Variants in RBFOX2 observed in about 807,000 individuals in gnomAD.
The protein encoded by RBFOX2 is RNA binding fox-1 homolog 2.
Under a neutral mutation model 49.1 loss-of-function variants are expected in RBFOX2, and 10 were observed. The observed-to-expected ratio is 0.20, with a 90% confidence interval of 0.13 to 0.35. The LOEUF (loss-of-function observed/expected upper bound fraction) is 0.35. RBFOX2 is among the 10% of genes least tolerant of loss of function. RBFOX2 has a pLI of 1.00. For synonymous variants in RBFOX2, 183 were observed against 187.4 expected (o/e 0.98, Z 0.19); for missense variants, 323 against 486.9 (o/e 0.66, Z 3.17).
intron 1 of RBFOX2, among the ~76,000 whole-genome samples, chr22:35,831,016 C>T (rs1210751275): frequency 6.6e-6 from 1 of 152,152 alleles, no homozygotes. Flanking sequence ...GAAAACCTTA[C>T]GTATGCTATA....
At chr22:35,743,565 AGAT>A (rs1410080916) in exon 12 of RBFOX2, 1 of 152,346 alleles carries the variant, frequency 6.6e-6, no homozygotes, top group East Asian at 1.9e-4. Context: ...TGTGCGTGTA[AGAT>A]GATTGTAAAA....
intron 1 of RBFOX2, among the ~76,000 whole-genome samples, chr22:35,961,361 T>A (rs1170084805): frequency 6.6e-6 from 1 of 152,210 alleles, no homozygotes; most frequent in Non-Finnish European, 1.5e-5. Flanking sequence ...TAAATAAATG[T>A]CTTCTTTCAA....
intron 1 of RBFOX2, among the ~76,000 whole-genome samples, chr22:35,818,356 T>C (rs1953647965): frequency 6.6e-6 from 1 of 152,250 alleles, no homozygotes. Flanking sequence ...AAATATTCTA[T>C]TCCAATGGAT....
chr22:35,884,442 TG>T (rs1311775192), intron 1 of RBFOX2, among the ~76,000 whole-genome samples: 18 of 152,124 alleles, frequency 1.2e-4, no homozygotes, highest in Admixed American at 1.1e-3. Context: ...GCAGTCAAGG[TG>T]TTGGCTGGGG....
chr22:35,792,190 A>T (rs1947823212), intron 2 of RBFOX2, among the ~76,000 whole-genome samples: 1 of 151,558 alleles, frequency 6.6e-6, no homozygotes, highest in Admixed American at 6.6e-5. Context: ...GGCAGTGGGC[A>T]CCTGTAATCC....
At chr22:35,922,762 CAAAT>C (rs2051171043) in intron 1 of RBFOX2, among the ~76,000 whole-genome samples, 1 of 152,112 alleles carries the variant, frequency 6.6e-6, no homozygotes, top group Non-Finnish European at 1.5e-5. Flanking sequence ...TCGGTACCCA[CAAAT>C]AAAGTTTTAC....
chr22:35,780,809 G>C (rs1944988363), intron 3 of RBFOX2, among the ~76,000 whole-genome samples: 1 of 152,096 alleles, frequency 6.6e-6, no homozygotes, highest in African/African-American at 2.4e-5. Context: ...TTTGAACCCA[G>C]GCTCTTTGAC....
In RBFOX2 at chr22:35,743,538, T is replaced by C. The variant is rs564536871; in HGVS notation, c.*657A>G. 3.9e-5 allele frequency: 6 copies of C among 152,392 alleles called. No homozygotes were observed. In the East Asian group the frequency reaches 9.6e-4, roughly 24 times the overall value. The allele number at this position is 152,392 out of a possible 1,614,324, so 9.4% of individuals were successfully genotyped here. A position where few individuals can be genotyped will look rare whatever the true frequency, so the allele number is the denominator to read the frequency against. ...ATCAATACTATAATTCCAAAAACTA[T>C]GCCAGCTGTCTCAGGCTGTGCGTGT... On this transcript the variant is annotated 3_prime_UTR_variant, in exon 12 of 12. Coordinates refer to ENST00000405409, the Ensembl canonical transcript of RBFOX2.
chr22:35,761,579 A>C lies in RBFOX2; in HGVS notation c.608-111T>G, dbSNP rs1285869286. The stretch of plus-strand genomic sequence containing the variant: ...TCTGGGGCTATTTTTGCCTATTATC[A>C]ACTTCTCTTTGGAATTCCAGCTTGG... On this transcript the variant is annotated intron_variant, in intron 6 of 11. Coordinates refer to ENST00000405409, the Ensembl canonical transcript of RBFOX2. 4 of 1,105,492 alleles carry C rather than the reference A, an allele frequency of 3.6e-6. No individual in the cohort carries two copies. In the Admixed American group the frequency reaches 7.3e-5, roughly 20 times the overall value. The allele number at this position is 1,105,492 out of a possible 1,614,324, so 68.5% of individuals were successfully genotyped here.
At chr22:36,022,535 C>T (rs530994391) in intron 1 of RBFOX2, among the ~76,000 whole-genome samples, 55 of 152,320 alleles carry the variant, frequency 3.6e-4, no homozygotes, top group African/African-American at 1.2e-3. Context: ...CTGCAGACTT[C>T]CTTGTAAGAC....
Position 35,768,484 on chromosome 22 carries a change from C to T in RBFOX2, c.454-135G>A, listed in dbSNP as rs147076814. The T allele has an allele frequency of 2.0e-4, 136 of 693,036 alleles. 1 individual carries two copies. In the East Asian group the frequency reaches 3.6e-3, roughly 18 times the overall value. 42.9% of individuals were successfully genotyped at this position (693,036 alleles called of 1,614,324 possible). On this transcript the variant is annotated intron_variant, in intron 4 of 11. Transcript: ENST00000405409. ...ACTCAGCAATAATCTCCCAAAGTCA[C>T]ATTTTTGGTCCATGCATATTTGTAA...
At chr22:35,809,793 T>C (rs1236652481) in exon 2 of RBFOX2, 1 of 1,613,900 alleles carries the variant, frequency 6.2e-7, no homozygotes, top group South Asian at 1.1e-5. Context: ...AAGAGATCCA[T>C]TTTGTGTGCT....
At chr22:35,765,439 G>T (rs751525727) in exon 6 of RBFOX2, 1 of 1,518,442 alleles carries the variant, frequency 6.6e-7, no homozygotes, top group East Asian at 2.3e-5. Context: ...CATATGGTGT[G>T]ACCATCTTCT....
At chr22:35,935,824 G>A (rs2052994649) in intron 1 of RBFOX2, among the ~76,000 whole-genome samples, 1 of 152,078 alleles carries the variant, frequency 6.6e-6, no homozygotes, top group Non-Finnish European at 1.5e-5. Context: ...TGTTGCCTTG[G>A]ATAAGTCACT....
At chr22:36,007,076 T>G (rs967164265) in intron 1 of RBFOX2, among the ~76,000 whole-genome samples, 2 of 152,232 alleles carry the variant, frequency 1.3e-5, no homozygotes, top group Non-Finnish European at 2.9e-5. Flanking sequence ...CTCATTTTGC[T>G]TCTTCTCAAT....
In RBFOX2 at chr22:35,956,123, T is replaced by C. The variant is rs374461702; in HGVS notation, c.42+5440A>G. On this transcript the variant is annotated intron_variant, in intron 1 of 5. Transcript: ENST00000408983. ...CATTATGTGTTGTTCATTTATAAAA[T>C]ACAAGTTCACTAAGTTATAAAGATC... Among the ~76,000 whole-genome samples, 17 of 152,320 alleles carry C rather than the reference T, an allele frequency of 1.1e-4. No homozygotes were observed. In the East Asian group the frequency reaches 2.7e-3, roughly 24 times the overall value.
intron 1 of RBFOX2, among the ~76,000 whole-genome samples, chr22:35,906,341 T>C (rs1309382075): frequency 6.6e-6 from 1 of 152,204 alleles, no homozygotes; most frequent in Non-Finnish European, 1.5e-5. Context: ...TATTAACTTA[T>C]GTAAATGTTA....
chr22:35,764,180 T>C (rs1940014871), intron 6 of RBFOX2, among the ~76,000 whole-genome samples: 1 of 152,154 alleles, frequency 6.6e-6, no homozygotes. Flanking sequence ...CTGGGCTAAA[T>C]ATATTTATTG....
chr22:35,791,082 G>A (rs1266746498), intron 2 of RBFOX2, among the ~76,000 whole-genome samples: 1 of 151,782 alleles, frequency 6.6e-6, no homozygotes, highest in Non-Finnish European at 1.5e-5. Flanking sequence ...AAAATTACAA[G>A]TTTTAAAAAA....
Sources: allele counts gnomAD v4.1 joint callset (sites outside exome capture counted in the v4.1 genomes callset), GRCh38; gene constraint gnomAD v4.1.1; transcripts MANE v1.5; gene names NCBI Gene and HGNC (gene_info 2026-07-23, HGNC 2026-07-21).